NR2F1-AS1: variants seen among roughly 807,000 people sequenced by gnomAD.
NR2F1-AS1 encodes NR2F1 regulatory antisense RNA 1.
chr5:93,516,272 A>AAACATGACCTG (rs1176459248), intron 4 of NR2F1-AS1, among the ~76,000 whole-genome samples: 4 of 151,872 alleles, frequency 2.6e-5, no homozygotes, highest in Non-Finnish European at 5.9e-5. Context: ...ATATAAGGAC[A>AAACATGACCTG]AACATGACCT....
rs549214761 is a variant in NR2F1-AS1 at position 93,507,602 on chromosome 5, C to G, written n.638+46159G>C. Among the ~76,000 whole-genome samples the G allele has an allele frequency of 2.0e-5, 3 of 152,266 alleles. No individual in the cohort carries two copies. In the South Asian group the frequency reaches 6.2e-4, roughly 32 times the overall value. On this transcript the variant is annotated intron_variant and non_coding_transcript_variant, in intron 4 of 5. Coordinates refer to ENST00000660523, the Ensembl canonical transcript of NR2F1-AS1. ...CAAACTCCTGACCTCAGGTGATCAG[C>G]CTGCCTCGGCCTTCCAAAGTGCTGG...
At chr5:93,525,235 A>C (rs1310478481) in intron 4 of NR2F1-AS1, among the ~76,000 whole-genome samples, 2 of 152,196 alleles carry the variant, frequency 1.3e-5, no homozygotes, top group African/African-American at 4.8e-5. Context: ...ACAGACTTTA[A>C]ATCAACAAAG....
chr5:93,447,647 C>T (rs549963397), intron 4 of NR2F1-AS1, among the ~76,000 whole-genome samples: 15 of 152,192 alleles, frequency 9.9e-5, no homozygotes, highest in South Asian at 4.1e-4. Context: ...GACAGTGTGG[C>T]GATTCCTCAA....
chr5:93,441,640 T>C (rs1027845488), intron 4 of NR2F1-AS1, among the ~76,000 whole-genome samples: 2 of 152,238 alleles, frequency 1.3e-5, no homozygotes, highest in African/African-American at 4.8e-5. Context: ...TTCTTAAACT[T>C]GTAGAGCATT....
At chr5:93,441,366 G>C (rs1749564300) in intron 4 of NR2F1-AS1, among the ~76,000 whole-genome samples, 1 of 152,150 alleles carries the variant, frequency 6.6e-6, no homozygotes, top group Non-Finnish European at 1.5e-5. Flanking sequence ...ACCTTACCTA[G>C]AGTGATCAAC....
upstream of NR2F1-AS1, among the ~76,000 whole-genome samples, chr5:93,581,667 G>GGTCTCT: frequency 1.9e-5 from 1 of 52,794 alleles, no homozygotes; most frequent in Non-Finnish European, 3.9e-5. Context: ...TCGGGGTCTC[G>GGTCTCT]GTCTCTCTCT....
At chr5:93,505,121 C>T (rs1751159466) in intron 4 of NR2F1-AS1, among the ~76,000 whole-genome samples, 1 of 151,962 alleles carries the variant, frequency 6.6e-6, no homozygotes, top group Non-Finnish European at 1.5e-5. Flanking sequence ...AGAAATTGGC[C>T]AAAACAAAGT....
At chr5:93,440,659 A>ACTCACTCT (rs541373487) in intron 4 of NR2F1-AS1, among the ~76,000 whole-genome samples, 19 of 151,646 alleles carry the variant, frequency 1.3e-4, no homozygotes, top group Non-Finnish European at 1.8e-4. Flanking sequence ...TCACTCACTC[A>ACTCACTCT]CTCACTCTGT....
At chr5:93,488,798 C>T (rs1750777992) in intron 4 of NR2F1-AS1, among the ~76,000 whole-genome samples, 1 of 152,170 alleles carries the variant, frequency 6.6e-6, no homozygotes. Context: ...CACATGCACA[C>T]ATATGTTTAT....
At chr5:93,561,763 T>C (rs1185314980) in intron 2 of NR2F1-AS1, among the ~76,000 whole-genome samples, 1 of 151,724 alleles carries the variant, frequency 6.6e-6, no homozygotes, top group African/African-American at 2.4e-5. Context: ...ACAGAGACCC[T>C]GTCTCAAAAA....
At chr5:93,422,506 A>G (rs1366652153) in intron 4 of NR2F1-AS1, 3 of 152,244 alleles carry the variant, frequency 2.0e-5, no homozygotes, top group African/African-American at 7.2e-5. Flanking sequence ...CAATACATTC[A>G]TTAGGCTGGA....
intron 4 of NR2F1-AS1, among the ~76,000 whole-genome samples, chr5:93,541,523 C>T (rs896881578): frequency 6.6e-6 from 1 of 152,150 alleles, no homozygotes; most frequent in African/African-American, 2.4e-5. Context: ...AAATTGGAAT[C>T]ACCAACTCAG....
At chr5:93,480,605 A>G (rs1022901063) in intron 4 of NR2F1-AS1, among the ~76,000 whole-genome samples, 1 of 152,164 alleles carries the variant, frequency 6.6e-6, no homozygotes, top group Non-Finnish European at 1.5e-5. Context: ...AAAACCTAGT[A>G]TTAATGTATT....
chr5:93,413,206 ATGTATATATATATATGTGTG>A (rs1748897669), intron 4 of NR2F1-AS1, among the ~76,000 whole-genome samples: 1 of 148,414 alleles, frequency 6.7e-6, no homozygotes, highest in Non-Finnish European at 1.5e-5. Flanking sequence ...ATGTATATAT[ATGTATATATATATATGTGTG>A]TGTATATATA....
intron 4 of NR2F1-AS1, among the ~76,000 whole-genome samples, chr5:93,441,602 C>A (rs1749572726): frequency 6.6e-6 from 1 of 152,116 alleles, no homozygotes; most frequent in Non-Finnish European, 1.5e-5. Context: ...ACTTTATAAC[C>A]AAGTTCTTTT....
At chr5:93,497,584 T>C (rs1053668086) in intron 4 of NR2F1-AS1, among the ~76,000 whole-genome samples, 15 of 152,206 alleles carry the variant, frequency 9.9e-5, no homozygotes, top group African/African-American at 3.4e-4. Flanking sequence ...AATTATCTCG[T>C]TGAACCCTGT....
At chr5:93,498,849 A>AT (rs1751018524) in intron 4 of NR2F1-AS1, among the ~76,000 whole-genome samples, 1 of 152,128 alleles carries the variant, frequency 6.6e-6, no homozygotes, top group Non-Finnish European at 1.5e-5. Flanking sequence ...ATTGTACTTA[A>AT]TTTTTTCTAT....
At chr5:93,421,646 A>T (rs1357604619) in intron 4 of NR2F1-AS1, among the ~76,000 whole-genome samples, 1 of 152,166 alleles carries the variant, frequency 6.6e-6, no homozygotes, top group Non-Finnish European at 1.5e-5. Flanking sequence ...GGTGATTATC[A>T]TGCAAATCAG....
intron 4 of NR2F1-AS1, among the ~76,000 whole-genome samples, chr5:93,430,239 A>G (rs1291681542): frequency 1.3e-5 from 2 of 152,214 alleles, no homozygotes; most frequent in Admixed American, 6.5e-5. Context: ...TGGTGCTTCA[A>G]TACTAATGAG....
Sources: allele counts gnomAD v4.1 joint callset (sites outside exome capture counted in the v4.1 genomes callset), GRCh38; gene constraint gnomAD v4.1.1; transcripts MANE v1.5; gene names NCBI Gene and HGNC (gene_info 2026-07-23, HGNC 2026-07-21).